The following SP4 variants were observed in gnomAD, a reference collection of about 807,000 sequenced individuals.
The protein encoded by SP4 is transcription factor Sp4.
Under a neutral mutation model 72.8 loss-of-function variants are expected in SP4, and 19 were observed. The observed-to-expected ratio is 0.26, with a 90% CI of 0.18 to 0.38. The LOEUF (loss-of-function observed/expected upper bound fraction) is 0.38. SP4 is among the 10% of genes least tolerant of loss of function. SP4 has a pLI of 1.00. For missense variants in SP4, 1,008 were observed against 926.3 expected, an observed-to-expected ratio of 1.09 and a Z score of -1.14; for synonymous variants, 395 against 333.1, an observed-to-expected ratio of 1.19 and a Z score of -2.02.
chr7:21,451,636 T>G (rs1019370011), intron 3 of SP4, among the ~76,000 whole-genome samples: 1 of 152,116 alleles, frequency 6.6e-6, no homozygotes, highest in African/African-American at 2.4e-5. Flanking sequence ...GGGCAGGATT[T>G]TGCCTCTGTC....
intron 5 of SP4, among the ~76,000 whole-genome samples, chr7:21,508,883 C>G (rs1411595276): frequency 6.7e-6 from 1 of 148,772 alleles, no homozygotes; most frequent in African/African-American, 2.5e-5. Context: ...CTCACTGTAG[C>G]CTCAACATTT....
chr7:21,502,040 A>ACCCCC (rs55723306), intron 5 of SP4, among the ~76,000 whole-genome samples: 4 of 72,332 alleles, frequency 5.5e-5, no homozygotes, highest in South Asian at 1.5e-3. Flanking sequence ...TTCATTAGGC[A>ACCCCC]CCCCCCCCCC....
intron 3 of SP4, among the ~76,000 whole-genome samples, chr7:21,457,033 A>ATCTTACCACTG: frequency 6.6e-6 from 1 of 152,302 alleles, no homozygotes; most frequent in African/African-American, 2.4e-5. Flanking sequence ...CTAAGAAGGA[A>ATCTTACCACTG]GGCATAGAGG....
chr7:21,493,035 A>G (rs545959810), intron 5 of SP4, among the ~76,000 whole-genome samples: 5 of 152,324 alleles, frequency 3.3e-5, no homozygotes, highest in Non-Finnish European at 7.3e-5. Context: ...CCCCACCTCT[A>G]CTAAAAATAC....
At chr7:21,472,637 G>A (rs1784383468) in intron 3 of SP4, among the ~76,000 whole-genome samples, 1 of 151,560 alleles carries the variant, frequency 6.6e-6, no homozygotes, top group South Asian at 2.1e-4. Context: ...TTTAAGTGCT[G>A]ATTTTAAAAA....
At chr7:21,476,178 G>A (rs946189541) in intron 3 of SP4, among the ~76,000 whole-genome samples, 1 of 142,244 alleles carries the variant, frequency 7.0e-6, no homozygotes, top group Non-Finnish European at 1.5e-5. Context: ...GGAGGCTGAA[G>A]AAGAAGAATT....
intron 3 of SP4, among the ~76,000 whole-genome samples, chr7:21,440,511 A>AG (rs974647626): frequency 1.3e-5 from 2 of 152,154 alleles, no homozygotes; most frequent in Admixed American, 6.5e-5. Flanking sequence ...AGTGCAAGCA[A>AG]GGGTGAGGTG....
chr7:21,484,999 A>G (rs762161955), intron 5 of SP4, among the ~76,000 whole-genome samples: 15 of 151,880 alleles, frequency 9.9e-5, no homozygotes, highest in Admixed American at 5.2e-4. Flanking sequence ...CAGTGGTTCA[A>G]ACATCTTAAA....
At chr7:21,470,483 A>G (rs1784301575) in intron 3 of SP4, among the ~76,000 whole-genome samples, 1 of 152,240 alleles carries the variant, frequency 6.6e-6, no homozygotes, top group African/African-American at 2.4e-5. Context: ...CCCCTGCCTC[A>G]CAATCCAGAG....
intron 4 of SP4, among the ~76,000 whole-genome samples, chr7:21,479,986 TTTTG>T (rs60038164): frequency 0.73 from 109,572 of 150,944 alleles, 40,696 homozygotes; most frequent in East Asian, 0.89. Flanking sequence ...ATAACAGTTT[TTTTG>T]TTTGTTTGTT....
chr7:21,467,545 ATTTGGTTATCT>A (rs896892187), intron 3 of SP4, among the ~76,000 whole-genome samples: 1 of 152,118 alleles, frequency 6.6e-6, no homozygotes, highest in Admixed American at 6.5e-5. Flanking sequence ...CCCTAAGCAT[ATTTGGTTATCT>A]TTTTATGTTT....
chr7:21,449,628 C>T (rs1306388017), intron 3 of SP4, among the ~76,000 whole-genome samples: 1 of 152,028 alleles, frequency 6.6e-6, no homozygotes, highest in Admixed American at 6.6e-5. Context: ...AAACTTTAAA[C>T]TTGATTTGGA....
At position 21,466,573 on chromosome 7, in the gene SP4, A is replaced by G. The variant is rs150522046; in HGVS notation, c.1679-10506A>G. 7.9e-3 allele frequency among the ~76,000 whole-genome samples: 1,196 copies of G among 152,276 alleles called. 16 individuals are homozygous for G. Among genetic ancestry groups the G allele is most frequent in the African/African-American group, 0.028 (1,143 of 41,544 alleles). On this transcript the variant is annotated intron_variant, in intron 3 of 5. Coordinates refer to ENST00000222584, the MANE Select transcript of SP4 (RefSeq NM_003112.5). ...ACTGTTGCGCCTGTTCAGTAACTCA[A>G]TATTGGTTCACAGATTGTACATAAC...
chr7:21,492,257 G>T (rs1402257021), intron 5 of SP4, among the ~76,000 whole-genome samples: 2 of 152,176 alleles, frequency 1.3e-5, no homozygotes, highest in African/African-American at 4.8e-5. Context: ...TACAGAGAGG[G>T]TGGGTGGAGA....
chr7:21,489,553 CTTTTTTTTTTTTTTT>C (rs1193080485), intron 5 of SP4, among the ~76,000 whole-genome samples: 1 of 82,514 alleles, frequency 1.2e-5, no homozygotes, highest in African/African-American at 4.9e-5. Flanking sequence ...TTTCTTTTTT[CTTTTTTTTTTTTTTT>C]TTTTTTTTTG....
At chr7:21,441,679 T>A (rs956312888) in intron 3 of SP4, among the ~76,000 whole-genome samples, 1 of 152,184 alleles carries the variant, frequency 6.6e-6, no homozygotes, top group African/African-American at 2.4e-5. Context: ...AATTTAGTTA[T>A]GAATTCACAG....
At position 21,500,158 on chromosome 7, in the gene SP4, T is replaced by C. The variant is rs1055847195; in HGVS notation, c.2108-10864T>C. Among the ~76,000 whole-genome samples the C allele has an allele frequency of 2.3e-4, 35 of 152,218 alleles. 1 individual carries two copies. Among genetic ancestry groups the C allele is most frequent in the Non-Finnish European group, 1.5e-5 (1 of 68,034 alleles). On this transcript the variant is annotated intron_variant, in intron 5 of 5. Coordinates refer to ENST00000222584, the MANE Select transcript of SP4 (RefSeq NM_003112.5). ...AAAAGGAGCATTTTTTTTCCTATACTCAGTTTATTAAAAATTTCTTGGGAT... is the reference window on the plus strand; with the variant it reads ...AAAAGGAGCATTTTTTTTCCTATACCCAGTTTATTAAAAATTTCTTGGGAT...
At chr7:21,492,628 A>C (rs748780291) in intron 5 of SP4, among the ~76,000 whole-genome samples, 7 of 152,236 alleles carry the variant, frequency 4.6e-5, no homozygotes, top group Non-Finnish European at 2.9e-5. Context: ...AAAAACAGAC[A>C]ATTTAAAAAC....
rs1368368534 is a variant in SP4, at chr7:21,428,716, C to T, written c.47C>T (p.Ala16Val). The T allele has an allele frequency of 6.4e-7, 1 of 1,554,602 alleles. No individual in the cohort carries two copies. The highest frequency in any genetic ancestry group is 1.9e-5 in the Admixed American group (1 of 51,362). Residue 16 changes from alanine to valine, a missense_variant, in exon 2 of 6, where the codon GCG (alanine) becomes GTG (valine). Ala to Val is a moderately conservative substitution (Grantham distance 64). This residue lies in a region of SP4 where 893 missense variants were observed against 743.3 expected (regional missense o/e 1.20). Transcript: ENST00000222584. Reference protein sequence around the residue: ...KEEEEEAAAAAAMATEGGKTS... With the variant: ...KEEEEEAAAAVAMATEGGKTS... Reference sequence around the variant, plus strand: ...GAGGAGGAGGAGGCGGCAGCGGCAGCGGCGATGGCTACAGAAGGAGGGAAA... The same window carrying T: ...GAGGAGGAGGAGGCGGCAGCGGCAGTGGCGATGGCTACAGAAGGAGGGAAA...
Sources: allele counts gnomAD v4.1 joint callset (sites outside exome capture counted in the v4.1 genomes callset), GRCh38; gene constraint gnomAD v4.1.1; regional missense constraint gnomAD v4.1.1; transcripts MANE v1.5; gene names NCBI Gene and HGNC (gene_info 2026-07-23, HGNC 2026-07-21).